The following MINDY3 variants were observed in gnomAD, a reference collection of about 807,000 sequenced individuals.
The protein encoded by MINDY3 is MINDY lysine 48 deubiquitinase 3, also known as ubiquitin carboxyl-terminal hydrolase MINDY-3.
MINDY3 carries 38 observed loss-of-function variants against 69.2 expected under a neutral mutation model. The observed-to-expected ratio is 0.55, with a 90% CI of 0.42 to 0.72. The LOEUF (loss-of-function observed/expected upper bound fraction) is 0.72. Among genes scored for constraint, MINDY3 ranks in the 30% least tolerant of loss-of-function variants. MINDY3 has a pLI of 0.00. For synonymous variants in MINDY3, 192 were observed against 180.1 expected (o/e 1.07, Z -0.53); for missense variants, 522 against 519.0 (o/e 1.01, Z -0.06).
At chr10:15,848,365 TG>T (rs774073399) in intron 1 of MINDY3, among the ~76,000 whole-genome samples, 2 of 152,182 alleles carry the variant, frequency 1.3e-5, no homozygotes, top group Non-Finnish European at 2.9e-5. Context: ...CCGGGCACAG[TG>T]GCTCACGCCT....
At position 15,860,446 on chromosome 10, in the gene MINDY3, C is replaced by A; in HGVS notation, c.-147G>T. On this transcript the variant is annotated 5_prime_UTR_variant, in exon 1 of 15. Transcript: ENST00000277632. ...GGAAAGAAGAAGGGGCTGAGAGCCA[C>A]TTGCAGAGACCAAGCCTGTCAAGCC... 2.9e-6 allele frequency: 2 copies of A among 685,494 alleles called. No individual in the cohort carries two copies. Among genetic ancestry groups the A allele is most frequent in the Non-Finnish European group, 2.6e-6 (1 of 386,598 alleles). 42.5% of individuals were successfully genotyped at this position (685,494 alleles called of 1,614,324 possible). A position where few individuals can be genotyped will look rare whatever the true frequency, so the allele number is the denominator to read the frequency against.
In MINDY3 at chr10:15,817,960, G is replaced by A. The variant is rs1458818351; in HGVS notation, c.802-1045C>T. On this transcript the variant is annotated intron_variant, in intron 9 of 14. Coordinates refer to ENST00000277632, the MANE Select transcript of MINDY3 (RefSeq NM_024948.4). ...AGGGATGAGTTAGATGTGCTAATGT[G>A]GCAATGTTGAGCCAGTAAAGTAGGA... 4 of 152,284 alleles carry A rather than the reference G, an allele frequency of 2.6e-5. No individual in the cohort carries two copies. The East Asian group carries it at 7.7e-4, about 29-fold the overall frequency. 9.4% of individuals were successfully genotyped at this position (152,284 alleles called of 1,614,324 possible).
In MINDY3 at chr10:15,782,319, C is replaced by T. The variant is rs1836608044; in HGVS notation, c.1117-93G>A. 3.4e-6 allele frequency: 3 copies of T among 875,230 alleles called. No homozygotes were observed. The East Asian group carries it at 8.2e-5, about 24-fold the overall frequency. 54.2% of individuals were successfully genotyped at this position (875,230 alleles called of 1,614,324 possible). A position where few individuals can be genotyped will look rare whatever the true frequency, so the allele number is the denominator to read the frequency against. On this transcript the variant is annotated intron_variant, in intron 13 of 14. Transcript: ENST00000277632. ...AAGTAAAATGCATGTTTCTCAAATC[C>T]TTATCCTTTGACTGGGGACTCATTT...
At chr10:15,850,367 G>A (rs898362469) in intron 1 of MINDY3, among the ~76,000 whole-genome samples, 3 of 152,208 alleles carry the variant, frequency 2.0e-5, no homozygotes, top group African/African-American at 7.2e-5. Context: ...CATTAGGTCT[G>A]ACTGTCTGGG....
intron 10 of MINDY3, among the ~76,000 whole-genome samples, chr10:15,809,944 T>G (rs531703628): frequency 1.3e-5 from 2 of 152,166 alleles, no homozygotes; most frequent in Non-Finnish European, 2.9e-5. Flanking sequence ...AAAATTATAT[T>G]TCTTCATGAA....
chr10:15,846,465 T>C (rs1588644412), intron 2 of MINDY3, among the ~76,000 whole-genome samples: 2 of 152,298 alleles, frequency 1.3e-5, no homozygotes, highest in African/African-American at 4.8e-5. Context: ...TAATTTGTAG[T>C]TAAATCTCAT....
intron 10 of MINDY3, among the ~76,000 whole-genome samples, chr10:15,805,337 A>C (rs1564475880): frequency 1.3e-5 from 2 of 152,100 alleles, no homozygotes; most frequent in African/African-American, 4.8e-5. Flanking sequence ...AGGCCTTATA[A>C]TTCAGTAGGT....
intron 9 of MINDY3, chr10:15,818,116 G>A (rs954297696): frequency 6.6e-6 from 1 of 152,112 alleles, no homozygotes; most frequent in African/African-American, 2.4e-5. Flanking sequence ...TTATACATAA[G>A]GAACCAGAGA....
At chr10:15,814,419 G>A (rs1034739691) in intron 10 of MINDY3, among the ~76,000 whole-genome samples, 17 of 151,496 alleles carry the variant, frequency 1.1e-4, no homozygotes, top group African/African-American at 2.9e-4. Flanking sequence ...ACCCAAATGC[G>A]GGAAATTTGT....
At chr10:15,821,081 T>A (rs1839725708) in intron 9 of MINDY3, among the ~76,000 whole-genome samples, 2 of 152,214 alleles carry the variant, frequency 1.3e-5, no homozygotes, top group South Asian at 4.1e-4. Flanking sequence ...TCAGGTTGTT[T>A]CAGATTGTGT....
At chr10:15,819,678 C>T (rs1207467326) in intron 9 of MINDY3, among the ~76,000 whole-genome samples, 1 of 152,198 alleles carries the variant, frequency 6.6e-6, no homozygotes, top group Non-Finnish European at 1.5e-5. Flanking sequence ...GCATGTGGCC[C>T]TGCCTGGCTT....
chr10:15,837,539 T>TA (rs1270272266), intron 5 of MINDY3: 1 of 1,429,908 alleles, frequency 7.0e-7, no homozygotes, highest in African/African-American at 1.4e-5. Context: ...AAAGAACACC[T>TA]ACTTGGCAGG....
At chr10:15,808,569 T>G (rs913330152) in intron 10 of MINDY3, among the ~76,000 whole-genome samples, 1 of 152,094 alleles carries the variant, frequency 6.6e-6, no homozygotes, top group African/African-American at 2.4e-5. Context: ...CTCCCTACAT[T>G]CCCAGTAACA....
chr10:15,795,695 C>T (rs971673508), intron 11 of MINDY3, among the ~76,000 whole-genome samples: 8 of 152,038 alleles, frequency 5.3e-5, no homozygotes, highest in African/African-American at 1.7e-4. Flanking sequence ...GTGAATGATT[C>T]AGATGATCTT....
intron 14 of MINDY3, among the ~76,000 whole-genome samples, chr10:15,779,652 A>G (rs1836367818): frequency 6.6e-6 from 1 of 152,184 alleles, no homozygotes; most frequent in Admixed American, 6.5e-5. Context: ...ATGTTTGTCA[A>G]CAAAACTTGC....
chr10:15,831,665 C>T (rs943964497), intron 8 of MINDY3, among the ~76,000 whole-genome samples: 1 of 148,972 alleles, frequency 6.7e-6, no homozygotes, highest in African/African-American at 2.6e-5. Context: ...CCTAAGGAGC[C>T]TCCTTTTCTT....
intron 4 of MINDY3, among the ~76,000 whole-genome samples, chr10:15,838,669 T>C (rs1833253533): frequency 6.6e-6 from 1 of 151,704 alleles, no homozygotes; most frequent in Admixed American, 6.6e-5. Flanking sequence ...TTTTATAATA[T>C]AAAATCTTTA....
chr10:15,788,627 A>C (rs1392737473), intron 12 of MINDY3, among the ~76,000 whole-genome samples: 4 of 152,142 alleles, frequency 2.6e-5, no homozygotes, highest in African/African-American at 4.8e-5. Context: ...CCACTTAAGA[A>C]GAGTTATTTT....
chr10:15,848,854 T>C (rs1311020526), intron 1 of MINDY3, among the ~76,000 whole-genome samples: 1 of 151,802 alleles, frequency 6.6e-6, no homozygotes, highest in Admixed American at 6.5e-5. Flanking sequence ...TGCTTGGGCC[T>C]CAGTGTTCTC....
Sources: gnomAD v4.1 joint callset for allele counts (sites outside exome capture counted in the v4.1 genomes callset) on GRCh38, gnomAD v4.1.1 for gene constraint, MANE v1.5 for transcripts, NCBI Gene and HGNC (gene_info 2026-07-23, HGNC 2026-07-21) for gene names.